GTF3C5: variants seen among roughly 807,000 people sequenced by gnomAD.
GTF3C5 encodes the protein general transcription factor 3C polypeptide 5.
Under a neutral mutation model 61.0 loss-of-function variants are expected in GTF3C5, and 47 were observed. The observed-to-expected ratio is 0.77, with a 90% CI of 0.61 to 0.98. GTF3C5 has a LOEUF of 0.98. GTF3C5 is among the 50% of genes least tolerant of loss of function. The pLI is 0.00. For missense variants in GTF3C5, 659 were observed against 703.3 expected (o/e 0.94, Z 0.71); for synonymous variants, 295 against 275.4 (o/e 1.07, Z -0.71).
At chr9:133,030,909 C>G (rs965459900), upstream of GTF3C5, 3 of 1,320,816 alleles carry the variant, frequency 2.3e-6, no homozygotes, top group East Asian at 7.4e-5. Context: ...ATGACGCGAG[C>G]GGTGAGGGAG....
intron 8 of GTF3C5, chr9:133,055,582 A>G (rs1035477807): frequency 2.0e-6 from 2 of 985,384 alleles, no homozygotes; most frequent in Non-Finnish European, 2.4e-6. Flanking sequence ...GAGAGCAAAC[A>G]CTCACTAAGC....
rs762565386 is a variant in GTF3C5 at position 133,031,129 on chromosome 9, C to T, written c.118C>T (p.Leu40=). The T allele has an allele frequency of 4.4e-6, 7 of 1,595,744 alleles. No individual in the cohort carries two copies. The South Asian group carries it at 4.5e-5, about 10-fold the overall frequency. Reference sequence around the variant, plus strand: ...AGTGGTGCGTGATGTGGCTAAGATGCTGCCGACTCTGGGCGGCGAGGAAGG... The same window carrying T: ...AGTGGTGCGTGATGTGGCTAAGATGTTGCCGACTCTGGGCGGCGAGGAAGG... ...PGVVRDVAKM[L]PTLGGEEGVS... is the part of the protein sequence containing the mutation. The change falls in exon 1 of 11, where the codon CTG becomes TTG. Residue 40 remains leucine (L), a synonymous_variant. Transcript: ENST00000372097.
intron 1 of GTF3C5, among the ~76,000 whole-genome samples, chr9:133,039,543 A>G (rs1382545691): frequency 6.6e-6 from 1 of 152,154 alleles, no homozygotes; most frequent in Non-Finnish European, 1.5e-5. Flanking sequence ...AGCTGGGACT[A>G]TAGGCATGCA....
intron 1 of GTF3C5, among the ~76,000 whole-genome samples, chr9:133,033,473 C>G (rs1362833374): frequency 6.6e-6 from 1 of 152,172 alleles, no homozygotes; most frequent in Non-Finnish European, 1.5e-5. Flanking sequence ...GGCTTAAGCT[C>G]ACTGCATCCT....
intron 5 of GTF3C5, 70 bp downstream of exon 5, chr9:133,052,234 CTTAGAGCCA>C (rs1850405078): frequency 2.5e-6 from 2 of 808,940 alleles, no homozygotes. Flanking sequence ...GCTGTGATGT[CTTAGAGCCA>C]CAGTAAGAGC....
chr9:133,053,926 T>C lies in GTF3C5; in HGVS notation c.972T>C (p.Arg324=), dbSNP rs1470382667. 2 of 1,608,768 alleles carry C rather than the reference T, an allele frequency of 1.2e-6. No homozygotes were observed. Among genetic ancestry groups the C allele is most frequent in the East Asian group, 2.2e-5 (1 of 44,804 alleles). Residue 324 remains arginine, a synonymous_variant, in exon 6 of 11, where the codon CGT becomes CGC. Transcript: ENST00000372097. ...KIYQVLDFRI[R]CGMKHGYAPS... Reference sequence around the variant, plus strand: ...ATCAAGTCCTCGATTTCCGAATCCGTTGTGGAATGAAACACGGTAAAAATT... The same window carrying C: ...ATCAAGTCCTCGATTTCCGAATCCGCTGTGGAATGAAACACGGTAAAAATT...
intron 8 of GTF3C5, chr9:133,055,254 T>G: frequency 6.8e-7 from 1 of 1,467,376 alleles, no homozygotes; most frequent in East Asian, 2.9e-5. Flanking sequence ...GTTGGCGGTT[T>G]CCAGAGCTGT....
At chr9:133,056,171 C>G in intron 9 of GTF3C5, 77 bp downstream of exon 9, 1 of 1,190,190 alleles carries the variant, frequency 8.4e-7, no homozygotes, top group South Asian at 1.3e-5. Context: ...TGAACTCTTC[C>G]ACTTCACGTC....
At chr9:133,048,872 G>C (rs1449538034) in intron 3 of GTF3C5, among the ~76,000 whole-genome samples, 1 of 152,182 alleles carries the variant, frequency 6.6e-6, no homozygotes, top group Admixed American at 6.5e-5. Flanking sequence ...CACCTGGAAA[G>C]AACCTGCATT....
chr9:133,052,087 C>T lies in GTF3C5; in HGVS notation c.796C>T (p.Arg266Ter), dbSNP rs1438434621. 10 of 1,607,572 alleles carry T rather than the reference C, an allele frequency of 6.2e-6. No individual in the cohort carries two copies. The highest frequency in any genetic ancestry group is 2.2e-5 in the South Asian group (2 of 90,172). ...KLFDIRPIWS[R>*]NAVKANISVH... is the part of the protein sequence containing the mutation. ...GTTTGACATCCGTCCCATCTGGTCC[C>T]GAAATGCTGTCAAGGCCAACATCAG... Residue 266 changes from arginine (R) to a stop codon, truncating the protein, a stop_gained, in exon 5 of 11, where the codon CGA becomes TGA. Coordinates refer to ENST00000372097, the MANE Select transcript of GTF3C5 (RefSeq NM_012087.4). LOFTEE classifies it high-confidence loss of function.
intron 10 of GTF3C5, among the ~76,000 whole-genome samples, chr9:133,057,153 G>A (rs1338599240): frequency 6.6e-6 from 1 of 152,246 alleles, no homozygotes. Flanking sequence ...GACAAGCCCA[G>A]AGGGGCTGGG....
chr9:133,042,426 T>C, intron 2 of GTF3C5, 120 bp downstream of exon 2: 1 of 713,164 alleles, frequency 1.4e-6, no homozygotes, highest in South Asian at 1.7e-5. Context: ...CCAGGGGCTG[T>C]GGGGACACAG....
At chr9:133,048,231 C>T (rs1443253546) in intron 3 of GTF3C5, among the ~76,000 whole-genome samples, 1 of 152,214 alleles carries the variant, frequency 6.6e-6, no homozygotes, top group Non-Finnish European at 1.5e-5. Context: ...GGCACGGTGG[C>T]TCACACCTAT....
Position 133,052,164 on chromosome 9 carries a change from G to T in GTF3C5, c.873G>T (p.Met291Ile), listed in dbSNP as rs1850402535. The T allele has an allele frequency of 6.5e-7, 1 of 1,536,282 alleles. No homozygotes were observed. Among genetic ancestry groups the T allele is most frequent in the African/African-American group, 1.4e-5 (1 of 72,794 alleles). Residue 291 changes from methionine to isoleucine, a missense_variant and splice_region_variant, in exon 5 of 11, where the codon ATG (methionine) becomes ATT (isoleucine). Coordinates refer to ENST00000372097, the MANE Select transcript of GTF3C5 (RefSeq NM_012087.4). ...KVLLPFIAYY[M>I]ITGPWRSLWI... ...TGCTTCCCTTCATAGCCTATTACAT[G>T]GTAAGTGTCAGCTGCCCACCCACCT... is the stretch of plus-strand genomic sequence containing the variant.
At chr9:133,051,005 GGT>G in intron 4 of GTF3C5, 27 bp downstream of exon 4, 1 of 1,532,850 alleles carries the variant, frequency 6.5e-7, no homozygotes, top group East Asian at 2.4e-5. Flanking sequence ...GCCTGGCCCC[GGT>G]GGCTCCAGCC....
In GTF3C5 at chr9:133,056,023, C is replaced by T. The variant is rs368959551; in HGVS notation, c.1179C>T (p.Tyr393=). 1 of 1,614,154 alleles carries T rather than the reference C, an allele frequency of 6.2e-7. No individual in the cohort carries two copies. The highest frequency in any genetic ancestry group is 8.5e-7 in the Non-Finnish European group (1 of 1,179,980). The change falls in exon 9 of 11, where the codon TAC becomes TAT. Residue 393 remains tyrosine (Y), a synonymous_variant. Coordinates refer to ENST00000372097, the MANE Select transcript of GTF3C5 (RefSeq NM_012087.4). ...CCCTTTGTCACCAGGACTCTGTCTACATCTTCCGGGAAGGGGCCTTGCCAC... is the reference window on the plus strand; with the variant it reads ...CCCTTTGTCACCAGGACTCTGTCTATATCTTCCGGGAAGGGGCCTTGCCAC... The part of the protein sequence containing the change: ...SSKYKLKDSV[Y]IFREGALPPY...
intron 1 of GTF3C5, among the ~76,000 whole-genome samples, chr9:133,037,833 G>A (rs548363974): frequency 3.9e-5 from 6 of 152,302 alleles, no homozygotes; most frequent in South Asian, 2.1e-4. Flanking sequence ...GACGCTAGAC[G>A]GAAGGGAACA....
intron 1 of GTF3C5, among the ~76,000 whole-genome samples, chr9:133,032,652 A>G (rs965040597): frequency 6.6e-6 from 1 of 151,730 alleles, no homozygotes; most frequent in Non-Finnish European, 1.5e-5. Context: ...AGGCGGGGGG[A>G]AATTGGAGGT....
chr9:133,033,490 TC>T (rs976870883), intron 1 of GTF3C5, among the ~76,000 whole-genome samples: 9 of 152,070 alleles, frequency 5.9e-5, no homozygotes, highest in Non-Finnish European at 1.2e-4. Flanking sequence ...TCCTGTTAGG[TC>T]CCCAAGGAAT....
Sources: gnomAD v4.1 joint callset for allele counts (sites outside exome capture counted in the v4.1 genomes callset) on GRCh38, gnomAD v4.1.1 for gene constraint, MANE v1.5 for transcripts, NCBI Gene and HGNC (gene_info 2026-07-23, HGNC 2026-07-21) for gene names.